The following ADGRG6 variants were observed in gnomAD, a reference collection of about 807,000 sequenced individuals.
The protein encoded by ADGRG6 is G-protein coupled receptor 126.
A neutral mutation model predicts 142.4 loss-of-function variants in ADGRG6; 84 were observed. The observed-to-expected ratio is 0.59, with a 90% CI of 0.49 to 0.71. ADGRG6 has a LOEUF of 0.71. ADGRG6 is among the 30% of genes least tolerant of loss of function. The probability of loss-of-function intolerance (pLI) is 0.00; values close to 1 mark genes in which losing one functional copy is unlikely to be tolerated. For missense variants in ADGRG6, 1,367 were observed against 1,466.6 expected, an observed-to-expected ratio of 0.93 and a Z score of 1.11; for synonymous variants, 521 against 520.5, an observed-to-expected ratio of 1.00 and a Z score of -0.01.
chr6:142,321,867 T>C (rs892934164), intron 2 of ADGRG6, among the ~76,000 whole-genome samples: 1 of 152,168 alleles, frequency 6.6e-6, no homozygotes, highest in Non-Finnish European at 1.5e-5. Flanking sequence ...TCTCATCCAG[T>C]TAAAATATAC....
chr6:142,315,849 A>AAAT (rs1459176055), intron 2 of ADGRG6, among the ~76,000 whole-genome samples: 1 of 151,048 alleles, frequency 6.6e-6, no homozygotes, highest in East Asian at 1.9e-4. Context: ...ATAAATAAAT[A>AAAT]AATAAATAAA....
chr6:142,310,986 T>G (rs1777741792), intron 2 of ADGRG6, among the ~76,000 whole-genome samples: 1 of 151,954 alleles, frequency 6.6e-6, no homozygotes, highest in Non-Finnish European at 1.5e-5. Flanking sequence ...ATTTATATAT[T>G]TTTAAGGCTT....
intron 2 of ADGRG6, among the ~76,000 whole-genome samples, chr6:142,362,089 C>T (rs1780752283): frequency 6.6e-6 from 1 of 152,172 alleles, no homozygotes; most frequent in African/African-American, 2.4e-5. Context: ...TAAACATTAA[C>T]AGTATTACAG....
intron 2 of ADGRG6, among the ~76,000 whole-genome samples, chr6:142,319,622 A>T (rs928972463): frequency 1.3e-5 from 2 of 152,006 alleles, no homozygotes; most frequent in African/African-American, 4.8e-5. Context: ...TTCATTTCCC[A>T]TTCCTGTTTA....
At chr6:142,440,832 C>G in intron 24 of ADGRG6, 1 of 737,316 alleles carries the variant, frequency 1.4e-6, no homozygotes, top group South Asian at 1.8e-5. Flanking sequence ...TGCAAAACGT[C>G]ACTGCATATC....
intron 22 of ADGRG6, among the ~76,000 whole-genome samples, chr6:142,422,979 G>T (rs1176427304): frequency 2.6e-5 from 4 of 151,966 alleles, no homozygotes; most frequent in Non-Finnish European, 5.9e-5. Flanking sequence ...AGAAGTGTCT[G>T]TTCATGTCCT....
At chr6:142,394,676 G>T (rs367982276) in intron 9 of ADGRG6, among the ~76,000 whole-genome samples, 4 of 150,540 alleles carry the variant, frequency 2.7e-5, no homozygotes, top group African/African-American at 9.8e-5. Context: ...TGAACTCCTA[G>T]GCTCAAATGA....
chr6:142,322,251 T>C (rs1778553826), intron 2 of ADGRG6, among the ~76,000 whole-genome samples: 1 of 151,960 alleles, frequency 6.6e-6, no homozygotes, highest in African/African-American at 2.4e-5. Context: ...AATAAAAATA[T>C]TAGCCACGCA....
At chr6:142,319,359 G>A (rs1343126288) in intron 2 of ADGRG6, among the ~76,000 whole-genome samples, 3 of 152,106 alleles carry the variant, frequency 2.0e-5, no homozygotes, top group East Asian at 1.9e-4. Flanking sequence ...AAATCCCTGG[G>A]TCCAAAGTAA....
At chr6:142,332,055 A>T (rs1276970675) in intron 2 of ADGRG6, among the ~76,000 whole-genome samples, 4 of 152,214 alleles carry the variant, frequency 2.6e-5, no homozygotes, top group Admixed American at 2.6e-4. Context: ...AATACATATC[A>T]TTGATACTTC....
intron 2 of ADGRG6, among the ~76,000 whole-genome samples, chr6:142,336,504 C>T (rs1266490138): frequency 6.6e-6 from 1 of 152,040 alleles, no homozygotes; most frequent in Non-Finnish European, 1.5e-5. Flanking sequence ...TAACCACAGC[C>T]CTTGGTTCAA....
Position 142,416,060 on chromosome 6 carries a change from C to T in ADGRG6, c.2934C>T (p.Gly978=). ...RRYILKFCII[G]WGLPALVVSV... ...ACATTCTAAAATTCTGCATCATTGG[C>T]TGGGGTAAGCCTCTTAAAATTTTTT... The change falls in exon 20 of 25, where the codon GGC becomes GGT. Residue 978 remains glycine (G), a synonymous_variant. Transcript: ENST00000367609. 6.2e-7 allele frequency: 1 copy of T among 1,610,606 alleles called. No individual in the cohort carries two copies. Among genetic ancestry groups the T allele is most frequent in the Non-Finnish European group, 8.5e-7 (1 of 1,177,388 alleles).
chr6:142,356,141 T>C (rs1780431214), intron 2 of ADGRG6, among the ~76,000 whole-genome samples: 1 of 152,232 alleles, frequency 6.6e-6, no homozygotes, highest in Non-Finnish European at 1.5e-5. Flanking sequence ...TGCTTTTCAA[T>C]AGTTCTATTA....
intron 2 of ADGRG6, among the ~76,000 whole-genome samples, chr6:142,348,093 T>C (rs1031191696): frequency 6.6e-6 from 1 of 152,182 alleles, no homozygotes; most frequent in Non-Finnish European, 1.5e-5. Context: ...GTTTTTGTGG[T>C]TGGATTTTTC....
intron 21 of ADGRG6, among the ~76,000 whole-genome samples, chr6:142,418,116 G>A (rs868865250): frequency 2.6e-5 from 4 of 151,818 alleles, no homozygotes; most frequent in African/African-American, 7.3e-5. Context: ...CCAACATGGC[G>A]AAACCCCATC....
intron 24 of ADGRG6, 71 bp downstream of exon 24, chr6:142,438,435 A>G: frequency 9.6e-7 from 1 of 1,037,104 alleles, no homozygotes; most frequent in Non-Finnish European, 1.4e-6. Context: ...TATCATGAAG[A>G]TTGATAAATC....
chr6:142,400,604 T>C lies in ADGRG6; in HGVS notation c.1679+8T>C, dbSNP rs199530306. The C allele has an allele frequency of 1.4e-5, 19 of 1,345,962 alleles. No individual in the cohort carries two copies. Among genetic ancestry groups the C allele is most frequent in the African/African-American group, 4.3e-5 (3 of 69,904 alleles). The allele number at this position is 1,345,962 out of a possible 1,614,324, so 83.4% of individuals were successfully genotyped here. On this transcript the variant is annotated splice_region_variant and intron_variant, in intron 11 of 24. Transcript: ENST00000367609. ...TTCTGCTTCTCGGATATGGTAATAT[T>C]TTCACTGACTCTTGCCAGCAAAGCT...
At chr6:142,306,364 A>C (rs1311370056) in intron 1 of ADGRG6, among the ~76,000 whole-genome samples, 1 of 152,194 alleles carries the variant, frequency 6.6e-6, no homozygotes, top group East Asian at 1.9e-4. Context: ...GGACTAAAGC[A>C]AATTGTATTT....
At chr6:142,354,652 T>G (rs1284023153) in intron 2 of ADGRG6, among the ~76,000 whole-genome samples, 1 of 152,210 alleles carries the variant, frequency 6.6e-6, no homozygotes, top group Non-Finnish European at 1.5e-5. Flanking sequence ...AAAAGAAATC[T>G]GTAAAACATT....
Sources: allele counts gnomAD v4.1 joint callset (sites outside exome capture counted in the v4.1 genomes callset), GRCh38; gene constraint gnomAD v4.1.1; transcripts MANE v1.5; gene names NCBI Gene and HGNC (gene_info 2026-07-23, HGNC 2026-07-21).